The following LAPTM5 variants were observed in gnomAD, a reference collection of about 807,000 sequenced individuals.
LAPTM5 encodes the protein lysosomal-associated transmembrane protein 5.
Under a neutral mutation model 30.1 loss-of-function variants are expected in LAPTM5, and 11 were observed. That is an observed-to-expected ratio of 0.37 (90% CI 0.23 to 0.60). LAPTM5 has a LOEUF of 0.60. Ranked by LOEUF, LAPTM5 falls within the 20% of genes least tolerant of loss-of-function variation. The pLI, the probability that LAPTM5 is intolerant of heterozygous loss-of-function variation, is 0.71. For missense variants in LAPTM5, 324 were observed against 332.5 expected (o/e 0.97, Z 0.20); for synonymous variants, 151 against 137.9 (o/e 1.10, Z -0.67).
chr1:30,751,220 A>G (rs1049063589), intron 1 of LAPTM5, among the ~76,000 whole-genome samples: 4 of 152,090 alleles, frequency 2.6e-5, no homozygotes, highest in Admixed American at 1.3e-4. Context: ...GAGGAGAACA[A>G]CTCAGTTCTG....
At chr1:30,744,670 T>A (rs1446302484) in intron 1 of LAPTM5, among the ~76,000 whole-genome samples, 1 of 152,066 alleles carries the variant, frequency 6.6e-6, no homozygotes, top group African/African-American at 2.4e-5. Flanking sequence ...CTCAGAGAGA[T>A]TAGGTGGCTT....
chr1:30,740,902 G>A (rs369537054), intron 3 of LAPTM5, among the ~76,000 whole-genome samples: 18 of 152,290 alleles, frequency 1.2e-4, no homozygotes, highest in African/African-American at 3.6e-4. Flanking sequence ...GCCCTGCAAG[G>A]GCCAGGCCCC....
intron 1 of LAPTM5, among the ~76,000 whole-genome samples, chr1:30,750,230 C>T (rs1640112939): frequency 1.3e-5 from 2 of 152,314 alleles, no homozygotes; most frequent in South Asian, 4.1e-4. Flanking sequence ...TCATTCTCCA[C>T]TTCCTAGATA....
At position 30,733,815 on chromosome 1, in the gene LAPTM5, G is replaced by T. The variant is rs777279768; in HGVS notation, c.*13C>A. On this transcript the variant is annotated 3_prime_UTR_variant, in exon 8 of 8. Transcript: ENST00000294507. ...CCACCCCTCCCAGCACTGGGGCTGG[G>T]GCCTGGCGAGGGTCACACCTCTGAG... 5.6e-6 allele frequency: 9 copies of T among 1,600,284 alleles called. No individual in the cohort carries two copies. The highest frequency in any genetic ancestry group is 5.1e-6 in the Non-Finnish European group (6 of 1,175,740).
chr1:30,738,976 C>A lies in LAPTM5; in HGVS notation c.474G>T (p.Val158=). The change falls in exon 5 of 8, where the codon GTG becomes GTT. Residue 158 remains valine, a synonymous_variant. Coordinates refer to ENST00000294507, the MANE Select transcript of LAPTM5 (RefSeq NM_006762.3). ...TGGACTTGAAGTTGAGATAGGTGGG[C>A]ACTTCCATGTAGGAGCTGCAGAGGG... ...ILTLCSSYME[V]PTYLNFKSMN... 6.2e-7 allele frequency: 1 copy of A among 1,607,994 alleles called. No individual in the cohort carries two copies. The highest frequency in any genetic ancestry group is 2.0e-4 in the Middle Eastern group (1 of 4,966).
chr1:30,733,962 C>T (rs749694580), intron 7 of LAPTM5, 45 bp from the exon 8 acceptor site: 1 of 1,582,246 alleles, frequency 6.3e-7, no homozygotes, highest in South Asian at 1.2e-5. Flanking sequence ...TCAAGAATGA[C>T]CTGCAATTCC....
intron 3 of LAPTM5, among the ~76,000 whole-genome samples, chr1:30,740,303 C>CGG (rs1187716531): frequency 1.3e-5 from 2 of 151,898 alleles, no homozygotes; most frequent in African/African-American, 4.8e-5. Flanking sequence ...AGGGCTAGAT[C>CGG]GGGGAAGGAG....
In LAPTM5 at chr1:30,738,964, G is replaced by T. The variant is rs1639927796; in HGVS notation, c.486C>A (p.Leu162=). 6.2e-7 allele frequency: 1 copy of T among 1,607,156 alleles called. No homozygotes were observed. The highest frequency in any genetic ancestry group is 8.5e-7 in the Non-Finnish European group (1 of 1,177,418). ...CCATGTGGTTCATGGACTTGAAGTT[G>T]AGATAGGTGGGCACTTCCATGTAGG... The part of the protein sequence containing the change: ...CSSYMEVPTY[L]NFKSMNHMNY... Residue 162 remains leucine (L), a synonymous_variant, in exon 5 of 8, where the codon CTC becomes CTA. Coordinates refer to ENST00000294507, the MANE Select transcript of LAPTM5 (RefSeq NM_006762.3).
At position 30,733,405 on chromosome 1, in the gene LAPTM5, A is replaced by T. The variant is rs1408915900; in HGVS notation, c.*423T>A. The T allele has an allele frequency of 7.9e-6, 5 of 631,826 alleles. No homozygotes were observed. In the East Asian group the frequency reaches 3.0e-4, roughly 38 times the overall value. The allele number at this position is 631,826 out of a possible 1,614,324, so 39.1% of individuals were successfully genotyped here. A position where few individuals can be genotyped will look rare whatever the true frequency, so the allele number is the denominator to read the frequency against. On this transcript the variant is annotated 3_prime_UTR_variant, in exon 8 of 8. Transcript: ENST00000294507. ...GATTAAATTGCTATGTGAACTGACA[A>T]CTATTTATAAATCAATGCAATAGAC...
chr1:30,757,626 G>A (rs755163339), intron 1 of LAPTM5, 33 bp downstream of exon 1: 31 of 1,601,610 alleles, frequency 1.9e-5, no homozygotes, highest in Middle Eastern at 1.6e-4. Flanking sequence ...ACACAAGCAC[G>A]CACGCACACA....
intron 7 of LAPTM5, 109 bp downstream of exon 7, chr1:30,735,064 C>A (rs571708777): frequency 2.6e-6 from 2 of 757,654 alleles, no homozygotes; most frequent in South Asian, 3.0e-5. Flanking sequence ...TCTGTTCCAA[C>A]CCTCATCTTA....
chr1:30,738,531 C>T (rs1001118867), intron 5 of LAPTM5, among the ~76,000 whole-genome samples: 1 of 152,198 alleles, frequency 6.6e-6, no homozygotes, highest in Middle Eastern at 3.2e-3. Flanking sequence ...AAGAACCCAG[C>T]TAAGCCACTC....
chr1:30,740,191 G>T (rs1390598571), intron 3 of LAPTM5, among the ~76,000 whole-genome samples: 1 of 152,176 alleles, frequency 6.6e-6, no homozygotes, highest in Non-Finnish European at 1.5e-5. Context: ...CAAAGAGCAG[G>T]ATTTGACTCA....
chr1:30,751,685 G>A (rs1640140033), intron 1 of LAPTM5, among the ~76,000 whole-genome samples: 1 of 152,052 alleles, frequency 6.6e-6, no homozygotes, highest in African/African-American at 2.4e-5. Context: ...GTTGCAGTGA[G>A]CCAGGATCAC....
intron 7 of LAPTM5, 141 bp downstream of exon 7, chr1:30,735,032 A>C (rs1639866421): frequency 2.9e-6 from 2 of 681,354 alleles, no homozygotes; most frequent in East Asian, 5.0e-5. Flanking sequence ...AGACTACCAG[A>C]ACTGAAAGAG....
In LAPTM5 at chr1:30,739,991, G is replaced by T. The variant is rs186075177; in HGVS notation, c.259-54C>A. ...GTCCCCTGCATGCAGCCAACACTCC[G>T]CCACCCAGCCTGATATCCTCATGCA... On this transcript the variant is annotated intron_variant, in intron 3 of 7. Transcript: ENST00000294507. This position sits in a 1 kb window ranked among gnomAD's most constrained non-coding sequence, Gnocchi z 4.2. 1 of 1,492,530 alleles carries T rather than the reference G, an allele frequency of 6.7e-7. No individual in the cohort carries two copies. The highest frequency in any genetic ancestry group is 2.5e-5 in the East Asian group (1 of 40,338). 92.5% of individuals were successfully genotyped at this position (1,492,530 alleles called of 1,614,324 possible). A position where few individuals can be genotyped will look rare whatever the true frequency, so the allele number is the denominator to read the frequency against.
intron 2 of LAPTM5, chr1:30,742,017 C>A: frequency 2.8e-6 from 1 of 356,666 alleles, no homozygotes; most frequent in Non-Finnish European, 5.2e-6. Flanking sequence ...AATGAGGAAT[C>A]GGCCTGAGAC....
At position 30,733,821 on chromosome 1, in the gene LAPTM5, G is replaced by A. The variant is rs1047534674; in HGVS notation, c.*7C>T. 2 of 1,601,144 alleles carry A rather than the reference G, an allele frequency of 1.2e-6. No individual in the cohort carries two copies. Among genetic ancestry groups the A allele is most frequent in the African/African-American group, 1.3e-5 (1 of 74,164 alleles). ...CTCCCAGCACTGGGGCTGGGGCCTG[G>A]CGAGGGTCACACCTCTGAGTATGGG... On this transcript the variant is annotated 3_prime_UTR_variant, in exon 8 of 8. Transcript: ENST00000294507.
At position 30,753,852 on chromosome 1, in the gene LAPTM5, G is replaced by T. The variant is rs564396004; in HGVS notation, c.87+3807C>A. On this transcript the variant is annotated intron_variant, in intron 1 of 7. Coordinates refer to ENST00000294507, the MANE Select transcript of LAPTM5 (RefSeq NM_006762.3). ...CGTTAGCAATAGAGGAACTAGGCAT[G>T]GGGGACGCAAGAACTATCTGTACTG... 6.6e-5 allele frequency among the ~76,000 whole-genome samples: 10 copies of T among 152,332 alleles called. 1 individual carries two copies. The East Asian group carries it at 1.5e-3, about 23-fold the overall frequency.
Sources: allele counts gnomAD v4.1 joint callset (sites outside exome capture counted in the v4.1 genomes callset), GRCh38; gene constraint gnomAD v4.1.1; non-coding constraint Gnocchi (gnomAD v3.1); transcripts MANE v1.5; gene names NCBI Gene and HGNC (gene_info 2026-07-23, HGNC 2026-07-21).